The following CTNNA2 variants were observed in gnomAD, a reference collection of about 807,000 sequenced individuals.
The protein encoded by CTNNA2 is catenin alpha-2.
Under a neutral mutation model 101.0 loss-of-function variants are expected in CTNNA2, and 42 were observed. The observed-to-expected ratio is 0.42, with a 90% CI of 0.32 to 0.54. The LOEUF (loss-of-function observed/expected upper bound fraction) is 0.54, where lower values mean the gene tolerates loss of function less well. CTNNA2 is among the 20% of genes least tolerant of loss of function. The pLI is 0.14. For missense variants in CTNNA2, 871 were observed against 1,223.1 expected (o/e 0.71, Z 4.29); for synonymous variants, 450 against 456.4 (o/e 0.99, Z 0.18).
intron 3 of CTNNA2, among the ~76,000 whole-genome samples, chr2:79,832,515 T>A (rs1299117509): frequency 6.6e-6 from 1 of 152,232 alleles, no homozygotes; most frequent in East Asian, 1.9e-4. Flanking sequence ...CTGTTTTTTG[T>A]CTTTCCTAGC....
At chr2:80,209,615 A>G (rs564796224) in intron 7 of CTNNA2, among the ~76,000 whole-genome samples, 12 of 152,146 alleles carry the variant, frequency 7.9e-5, no homozygotes, top group Admixed American at 5.9e-4. Context: ...ACACACACAC[A>G]CACACACAGA....
intron 7 of CTNNA2, among the ~76,000 whole-genome samples, chr2:80,296,612 A>C (rs891316239): frequency 6.6e-6 from 1 of 152,240 alleles, no homozygotes; most frequent in African/African-American, 2.4e-5. Flanking sequence ...ATCTAAAACT[A>C]ACTCAGAAGT....
At chr2:80,389,292 T>G (rs1220579465) in intron 7 of CTNNA2, among the ~76,000 whole-genome samples, 1 of 152,078 alleles carries the variant, frequency 6.6e-6, no homozygotes, top group East Asian at 1.9e-4. Context: ...GCATATATTA[T>G]GCTATCCATT....
chr2:80,318,328 T>C (rs745355378), intron 7 of CTNNA2, among the ~76,000 whole-genome samples: 1 of 152,194 alleles, frequency 6.6e-6, no homozygotes, highest in Non-Finnish European at 1.5e-5. Context: ...TGTTTGTTTC[T>C]GTGTGCCCCT....
intron 3 of CTNNA2, among the ~76,000 whole-genome samples, chr2:79,759,425 G>C (rs1035110737): frequency 2.0e-5 from 3 of 151,928 alleles, no homozygotes; most frequent in Non-Finnish European, 1.5e-5. Context: ...AAATAAAATT[G>C]ATGCTTATGA....
At chr2:79,339,112 A>G (rs1677071830) in intron 3 of CTNNA2, among the ~76,000 whole-genome samples, 1 of 146,520 alleles carries the variant, frequency 6.8e-6, no homozygotes, top group African/African-American at 2.6e-5. Context: ...GGTATTAGTG[A>G]GTTTCTGTAG....
chr2:80,039,599 G>C (rs1339808608), intron 7 of CTNNA2, among the ~76,000 whole-genome samples: 1 of 152,144 alleles, frequency 6.6e-6, no homozygotes, highest in African/African-American at 2.4e-5. Context: ...TGACTCCAGT[G>C]GGGGTGGTTC....
intron 2 of CTNNA2, among the ~76,000 whole-genome samples, chr2:79,712,905 A>G (rs368374534): frequency 2.0e-5 from 3 of 152,190 alleles, no homozygotes; most frequent in African/African-American, 2.4e-5. Flanking sequence ...TAGATTTGCC[A>G]TAATTTTCAC....
chr2:80,474,879 G>T (rs548308980), intron 9 of CTNNA2, among the ~76,000 whole-genome samples: 1 of 152,298 alleles, frequency 6.6e-6, no homozygotes, highest in East Asian at 1.9e-4. Flanking sequence ...CTTCCCTGGG[G>T]ATGGAGAATT....
chr2:79,743,920 G>A (rs751879211), intron 2 of CTNNA2, among the ~76,000 whole-genome samples: 1 of 152,104 alleles, frequency 6.6e-6, no homozygotes, highest in Admixed American at 6.6e-5. Flanking sequence ...TAAGTACCGG[G>A]TGTTGGCTAC....
chr2:80,614,175 C>G (rs1698670697), intron 17 of CTNNA2, among the ~76,000 whole-genome samples: 1 of 151,294 alleles, frequency 6.6e-6, no homozygotes, highest in African/African-American at 2.4e-5. Flanking sequence ...GGAAATTGGA[C>G]ACATGGGAGG....
chr2:80,023,743 T>C (rs1020627152), intron 7 of CTNNA2, among the ~76,000 whole-genome samples: 3 of 152,174 alleles, frequency 2.0e-5, no homozygotes, highest in African/African-American at 7.2e-5. Context: ...TGTGCTACAT[T>C]GGGGATACAA....
At chr2:80,351,683 C>A (rs550608467) in intron 7 of CTNNA2, among the ~76,000 whole-genome samples, 1 of 152,050 alleles carries the variant, frequency 6.6e-6, no homozygotes, top group Admixed American at 6.6e-5. Flanking sequence ...AGAGTTGCTG[C>A]GGTACTTTGA....
rs74429704 is a variant in CTNNA2 at position 80,068,830 on chromosome 2, T to C, written c.1056+159033T>C. Among the ~76,000 whole-genome samples, 42 of 152,302 alleles carry C rather than the reference T, an allele frequency of 2.8e-4. No individual in the cohort carries two copies. In the East Asian group the frequency reaches 7.7e-3, roughly 28 times the overall value. Reference sequence around the variant, plus strand: ...CATGTTTTCGTATGAGACTCTGTTCTTATACCCCTGACTAGTGGCAGATGG... The same window carrying C: ...CATGTTTTCGTATGAGACTCTGTTCCTATACCCCTGACTAGTGGCAGATGG... On this transcript the variant is annotated intron_variant, in intron 7 of 18. Transcript: ENST00000402739.
At chr2:79,744,687 T>A in intron 3 of CTNNA2, 105 bp downstream of exon 3, 3 of 1,088,758 alleles carry the variant, frequency 2.8e-6, no homozygotes, top group Non-Finnish European at 3.9e-6. Context: ...AAGTCTTACG[T>A]TTTTTTCCTT....
At chr2:80,487,315 C>A (rs1207961500) in intron 9 of CTNNA2, among the ~76,000 whole-genome samples, 10 of 149,228 alleles carry the variant, frequency 6.7e-5, no homozygotes, top group Admixed American at 6.7e-4. Flanking sequence ...CAATTTTAAT[C>A]AATTAAGTCT....
Position 79,581,036 on chromosome 2 carries a change from A to C in CTNNA2, c.-6+67829A>C, listed in dbSNP as rs1318027238. 2.0e-5 allele frequency among the ~76,000 whole-genome samples: 3 copies of C among 152,186 alleles called. No homozygotes were observed. The East Asian group carries it at 5.8e-4, about 29-fold the overall frequency. On this transcript the variant is annotated intron_variant, in intron 1 of 18. Transcript: ENST00000402739. ...TTACCTTCTTAATAGCTACTCTGAA[A>C]AGCAAAATGCTATTAGGATTCCCTT... is the stretch of plus-strand genomic sequence containing the variant.
chr2:80,575,901 TAGG>T (rs1426182666), intron 13 of CTNNA2, among the ~76,000 whole-genome samples: 2 of 152,190 alleles, frequency 1.3e-5, no homozygotes, highest in African/African-American at 2.4e-5. Context: ...ACTTAAAATT[TAGG>T]AGGAGAGAAA....
chr2:79,868,187 T>C (rs1682289711), intron 4 of CTNNA2, among the ~76,000 whole-genome samples: 1 of 152,158 alleles, frequency 6.6e-6, no homozygotes, highest in Non-Finnish European at 1.5e-5. Context: ...AGGATTTACA[T>C]CATCGTTTCA....
Sources: allele counts gnomAD v4.1 joint callset (sites outside exome capture counted in the v4.1 genomes callset), GRCh38; gene constraint gnomAD v4.1.1; transcripts MANE v1.5; gene names NCBI Gene and HGNC (gene_info 2026-07-23, HGNC 2026-07-21).